Variants in DLGAP2 observed in about 807,000 individuals in gnomAD.
DLGAP2 encodes DLG associated protein 2.
In DLGAP2, 26 loss-of-function variants were observed where a neutral mutation model predicts 100.3. The observed-to-expected ratio is 0.26, with a 90% confidence interval of 0.19 to 0.36. The LOEUF (loss-of-function observed/expected upper bound fraction) is 0.36, where lower values mean the gene tolerates loss of function less well. Ranked by LOEUF, DLGAP2 falls within the 10% of genes least tolerant of loss-of-function variation. The probability of loss-of-function intolerance (pLI) is 1.00; values close to 1 mark genes in which losing one functional copy is unlikely to be tolerated. For missense variants in DLGAP2, 1,858 were observed against 1,453.2 expected (o/e 1.28, Z -4.53); for synonymous variants, 886 against 630.1 (o/e 1.41, Z -6.08).
intron 2 of DLGAP2, among the ~76,000 whole-genome samples, chr8:1,131,478 C>T (rs1011728631): frequency 6.6e-6 from 1 of 152,148 alleles, no homozygotes; most frequent in East Asian, 1.9e-4. Flanking sequence ...ATAAGTGGCT[C>T]ATCCCACCTT....
At chr8:1,635,593 A>T (rs1026181439) in intron 8 of DLGAP2, among the ~76,000 whole-genome samples, 1 of 152,238 alleles carries the variant, frequency 6.6e-6, no homozygotes, top group African/African-American at 2.4e-5. Context: ...TCATGAAAAT[A>T]ATTCCAAAGA....
At chr8:993,787 C>CTTTTTTTTT (rs534659471) in intron 2 of DLGAP2, among the ~76,000 whole-genome samples, 1 of 64,160 alleles carries the variant, frequency 1.6e-5, no homozygotes. Context: ...AACTGATTGG[C>CTTTTTTTTT]TTTTTTTTTT....
intron 3 of DLGAP2, among the ~76,000 whole-genome samples, chr8:1,372,899 A>C (rs1425629965): frequency 6.6e-6 from 1 of 152,214 alleles, no homozygotes; most frequent in Non-Finnish European, 1.5e-5. Flanking sequence ...TTAGGGATTC[A>C]GTCTAAAGAT....
chr8:1,295,030 A>G (rs1800139827), intron 3 of DLGAP2, among the ~76,000 whole-genome samples: 1 of 152,210 alleles, frequency 6.6e-6, no homozygotes, highest in Non-Finnish European at 1.5e-5. Context: ...TAGAAGGGTG[A>G]TATCGCTGAG....
chr8:1,304,347 G>C (rs967781823), intron 3 of DLGAP2, among the ~76,000 whole-genome samples: 2 of 152,212 alleles, frequency 1.3e-5, no homozygotes, highest in African/African-American at 4.8e-5. Context: ...GTCTCACTCC[G>C]GAAGCCTTTG....
At chr8:872,988 C>T (rs572933441) in intron 1 of DLGAP2, among the ~76,000 whole-genome samples, 15 of 152,292 alleles carry the variant, frequency 9.8e-5, no homozygotes, top group South Asian at 6.2e-4. Context: ...TTTAAATCAT[C>T]TGTAGAGTAC....
chr8:834,944 T>C (rs1375373137), intron 1 of DLGAP2, among the ~76,000 whole-genome samples: 1 of 152,232 alleles, frequency 6.6e-6, no homozygotes, highest in East Asian at 1.9e-4. Flanking sequence ...TCACATTGTG[T>C]CATGTGTGTA....
At chr8:957,013 A>G (rs1423178546) in intron 2 of DLGAP2, among the ~76,000 whole-genome samples, 1 of 152,236 alleles carries the variant, frequency 6.6e-6, no homozygotes, top group Non-Finnish European at 1.5e-5. Context: ...GGTCTAAGAA[A>G]TGTCACCTGT....
At chr8:1,665,522 C>G (rs1798521053) in intron 8 of DLGAP2, among the ~76,000 whole-genome samples, 1 of 146,392 alleles carries the variant, frequency 6.8e-6, no homozygotes. Flanking sequence ...TCATCTCAAA[C>G]TTGCCAAAGA....
chr8:1,300,129 G>C (rs546999574), intron 3 of DLGAP2: 1 of 152,322 alleles, frequency 6.6e-6, no homozygotes, highest in Admixed American at 6.5e-5. Flanking sequence ...TGGGCATTGG[G>C]TTCAGCATAT....
intron 3 of DLGAP2, among the ~76,000 whole-genome samples, chr8:1,500,087 CA>C (rs1799666664): frequency 6.6e-6 from 1 of 152,226 alleles, no homozygotes; most frequent in Non-Finnish European, 1.5e-5. Context: ...AACATGCAAT[CA>C]TATTTATATT....
chr8:1,318,792 C>T (rs370721669), intron 3 of DLGAP2, among the ~76,000 whole-genome samples: 30 of 137,102 alleles, frequency 2.2e-4, no homozygotes, highest in Non-Finnish European at 1.7e-4. Flanking sequence ...CCCCCCCGCC[C>T]CCTCGCCCAT....
At chr8:1,439,713 C>T (rs1324037351) in intron 3 of DLGAP2, among the ~76,000 whole-genome samples, 2 of 152,140 alleles carry the variant, frequency 1.3e-5, no homozygotes, top group African/African-American at 2.4e-5. Flanking sequence ...TTCTTCCCGC[C>T]ATCCCCTAGG....
chr8:1,471,674 A>G (rs1798798536), intron 3 of DLGAP2, among the ~76,000 whole-genome samples: 1 of 132,924 alleles, frequency 7.5e-6, no homozygotes, highest in South Asian at 2.2e-4. Flanking sequence ...TCCCTTTATG[A>G]GCATGGGAAA....
intron 12 of DLGAP2, among the ~76,000 whole-genome samples, chr8:1,687,882 T>G (rs571474972): frequency 6.6e-6 from 1 of 152,214 alleles, no homozygotes; most frequent in Non-Finnish European, 1.5e-5. Flanking sequence ...AACGACTTAC[T>G]TAAAATAGTC....
At chr8:1,477,988 C>G (rs957660612) in intron 3 of DLGAP2, among the ~76,000 whole-genome samples, 1 of 152,246 alleles carries the variant, frequency 6.6e-6, no homozygotes, top group South Asian at 2.1e-4. Flanking sequence ...TTTAGCGCTG[C>G]CTGTCACTCT....
chr8:1,659,535 G>A (rs1798362676), intron 8 of DLGAP2, among the ~76,000 whole-genome samples: 1 of 152,152 alleles, frequency 6.6e-6, no homozygotes, highest in Non-Finnish European at 1.5e-5. Flanking sequence ...CCTGTATTGG[G>A]TGTGTATATA....
chr8:928,923 T>C (rs1798878955), intron 2 of DLGAP2, among the ~76,000 whole-genome samples: 1 of 151,340 alleles, frequency 6.6e-6, no homozygotes, highest in South Asian at 2.1e-4. Flanking sequence ...CAGGCAGTTT[T>C]GGCTGCAACA....
chr8:1,603,092 A>G (rs1366683177), intron 6 of DLGAP2, among the ~76,000 whole-genome samples: 1 of 151,406 alleles, frequency 6.6e-6, no homozygotes, highest in East Asian at 2.0e-4. Flanking sequence ...TCAGTTCTGC[A>G]GAGGCTGGTT....
Sources: allele counts gnomAD v4.1 joint callset (sites outside exome capture counted in the v4.1 genomes callset), GRCh38; gene constraint gnomAD v4.1.1; transcripts MANE v1.5; gene names NCBI Gene and HGNC (gene_info 2026-07-23, HGNC 2026-07-21).